The following APOB variants were observed in gnomAD, a reference collection of about 807,000 sequenced individuals.
APOB encodes the protein apolipoprotein B-100.
A neutral mutation model predicts 314.1 loss-of-function variants in APOB; 153 were observed. The observed-to-expected ratio is 0.49, with a 90% CI of 0.43 to 0.56. The LOEUF (loss-of-function observed/expected upper bound fraction) is 0.56. Ranked by LOEUF, APOB falls within the 20% of genes least tolerant of loss-of-function variation. The pLI is 0.00. For missense variants in APOB, 5,430 were observed against 5,350.7 expected (o/e 1.01, Z -0.46); for synonymous variants, 2,087 against 2,036.4 (o/e 1.02, Z -0.67).
chr2:21,001,963 T>C lies in APOB; in HGVS notation c.13459A>G (p.Ile4487Val). ...IKSQAIATKK[I>V]ISDYHQQFRY... ...AACTGCTGGTGGTAATCAGAAATTATTTTCTTCGTCGCAATGGCCTGGCTT... is the reference window on the plus strand; with the variant it reads ...AACTGCTGGTGGTAATCAGAAATTACTTTCTTCGTCGCAATGGCCTGGCTT... Residue 4487 changes from isoleucine (I) to valine (V), a missense_variant, in exon 29 of 29, where the codon ATA becomes GTA. Coordinates refer to ENST00000233242, the MANE Select transcript of APOB (RefSeq NM_000384.3). 1.2e-6 allele frequency: 2 copies of C among 1,614,090 alleles called. No homozygotes were observed. Among genetic ancestry groups the C allele is most frequent in the African/African-American group, 1.3e-5 (1 of 75,046 alleles).
rs1194652410 is a variant in APOB, at chr2:21,017,430, A to G, written c.3122-781T>C. On this transcript the variant is annotated intron_variant, in intron 20 of 28. Transcript: ENST00000233242. ...AAAGGGATAGAAGAAGTGTTATTTCATACTTGGTGGTCAGAGAAATTCTCT... is the reference window on the plus strand; with the variant it reads ...AAAGGGATAGAAGAAGTGTTATTTCGTACTTGGTGGTCAGAGAAATTCTCT... 2.0e-5 allele frequency among the ~76,000 whole-genome samples: 3 copies of G among 152,214 alleles called. No homozygotes were observed. The East Asian group carries it at 5.8e-4, about 29-fold the overall frequency.
chr2:21,025,016 C>A lies in APOB; in HGVS notation c.2353G>T (p.Gly785Cys). 6.2e-7 allele frequency: 1 copy of A among 1,614,246 alleles called. No homozygotes were observed. Among genetic ancestry groups the A allele is most frequent in the South Asian group, 1.1e-5 (1 of 91,084 alleles). Residue 785 changes from glycine to cysteine, a missense_variant, in exon 16 of 29, where the codon GGT (glycine) becomes TGT (cysteine). Physicochemically the swap from Gly to Cys is radical, Grantham distance 159. Transcript: ENST00000233242. ...AYLRILGEEL[G>C]FASLHDLQLL... ...TGGAGGTCATGGAGACTGGCAAAACCAAGCTCCTCTCCCAAGATGCGGAGG... is the reference window on the plus strand; with the variant it reads ...TGGAGGTCATGGAGACTGGCAAAACAAAGCTCCTCTCCCAAGATGCGGAGG...
At chr2:21,013,624 G>T in intron 24 of APOB, 91 bp from the exon 25 acceptor site, 2 of 1,568,606 alleles carry the variant, frequency 1.3e-6, no homozygotes, top group Non-Finnish European at 1.8e-6. Flanking sequence ...TATTGTACTT[G>T]CCCCATTCCC....
rs538925618 is a variant in APOB at position 21,029,842 on chromosome 2, G to T, written c.1470+56C>A. On this transcript the variant is annotated intron_variant, in intron 11 of 28. Coordinates refer to ENST00000233242, the MANE Select transcript of APOB (RefSeq NM_000384.3). ...AGGGTGCAGGAGAGGGAAGTAAAAG[G>T]TGTCCAGGAAAAGTGCTTCTGAAAT... The T allele has an allele frequency of 2.7e-5, 44 of 1,611,696 alleles. No individual in the cohort carries two copies. The South Asian group carries it at 4.1e-4, about 15-fold the overall frequency.
chr2:21,013,568 C>G (rs950121953), intron 24 of APOB, 35 bp from the exon 25 acceptor site: 6 of 1,613,162 alleles, frequency 3.7e-6, no homozygotes, highest in Non-Finnish European at 5.1e-6. Context: ...TCCCCACAGT[C>G]AGACATCAGT....
rs1216733455 is a variant in APOB at position 21,009,328 on chromosome 2, C to T, written c.7540G>A (p.Glu2514Lys). The T allele has an allele frequency of 6.2e-7, 1 of 1,614,068 alleles. No homozygotes were observed. Among genetic ancestry groups the T allele is most frequent in the Admixed American group, 1.7e-5 (1 of 60,010 alleles). ...SLAHMKAKFR[E>K]TLEDTRDRMY... is the part of the protein sequence containing the mutation. ...CGGTCTCGTGTATCTTCTAGGGTCT[C>T]TCGGAATTTGGCCTTCATGTGAGCC... is the stretch of plus-strand genomic sequence containing the variant. The change falls in exon 26 of 29, where the codon GAG (glutamate) becomes AAG (lysine). Residue 2514 changes from glutamate (E) to lysine (K), a missense_variant. By Grantham distance (56) the Glu-to-Lys change is moderately conservative (BLOSUM62 1). This residue lies in a region of APOB where 3,281 missense variants were observed against 3,171.0 expected (regional missense o/e 1.03). Transcript: ENST00000233242.
intron 21 of APOB, 143 bp from the exon 22 acceptor site, chr2:21,015,688 C>G: frequency 1.1e-6 from 1 of 886,624 alleles, no homozygotes; most frequent in Non-Finnish European, 1.8e-6. Context: ...AACTCATCAA[C>G]TTCTAAAGCC....
chr2:21,028,215 G>C, intron 13 of APOB, 112 bp downstream of exon 13: 1 of 1,165,630 alleles, frequency 8.6e-7, no homozygotes, highest in African/African-American at 1.5e-5. Flanking sequence ...CTACACATTT[G>C]CACAAGTGTT....
chr2:21,042,481 C>G lies in APOB; in HGVS notation c.122-5G>C. On this transcript the variant is annotated splice_region_variant and splice_polypyrimidine_tract_variant and intron_variant, in intron 2 of 28. Transcript: ENST00000233242. ...GCTTGAATCGGGTCGCATCTTCTAA[C>G]GTGGGGAGAAATACGTCAGCCACAT... 1 of 1,612,046 alleles carries G rather than the reference C, an allele frequency of 6.2e-7. No individual in the cohort carries two copies. The highest frequency in any genetic ancestry group is 8.5e-7 in the Non-Finnish European group (1 of 1,178,108).
In APOB at chr2:21,009,517, T is replaced by C; in HGVS notation, c.7351A>G (p.Asn2451Asp). 6.2e-7 allele frequency: 1 copy of C among 1,614,088 alleles called. No homozygotes were observed. Among genetic ancestry groups the C allele is most frequent in the Non-Finnish European group, 8.5e-7 (1 of 1,179,972 alleles). Residue 2451 changes from asparagine (N) to aspartate (D), a missense_variant, in exon 26 of 29, where the codon AAT (asparagine) becomes GAT (aspartate). This residue lies in a region of APOB where 3,281 missense variants were observed against 3,171.0 expected (regional missense o/e 1.03). Coordinates refer to ENST00000233242, the MANE Select transcript of APOB (RefSeq NM_000384.3). The part of the protein sequence containing the change: ...DKIREVTQRL[N>D]GEIQALELPQ... Reference sequence around the variant, plus strand: ...AGTTCCAGAGCCTGAATTTCACCATTGAGTCTCTGAGTCACCTCACGGATT... The same window carrying C: ...AGTTCCAGAGCCTGAATTTCACCATCGAGTCTCTGAGTCACCTCACGGATT...
intron 3 of APOB, 113 bp from the exon 4 acceptor site, chr2:21,041,196 C>T (rs905002487): frequency 2.7e-6 from 3 of 1,119,484 alleles, no homozygotes; most frequent in Non-Finnish European, 3.9e-6. Context: ...GTGCTGGGAA[C>T]ACCACTGCCT....
chr2:21,016,672 CAA>C, intron 20 of APOB, 23 bp from the exon 21 acceptor site: 7 of 1,481,638 alleles, frequency 4.7e-6, no homozygotes, highest in African/African-American at 1.4e-5. Flanking sequence ...ATAAGAGAAT[CAA>C]GAGATGTGTG....
chr2:21,031,137 A>G (rs1188594584), intron 10 of APOB, among the ~76,000 whole-genome samples: 1 of 152,254 alleles, frequency 6.6e-6, no homozygotes, highest in African/African-American at 2.4e-5. Context: ...ATTATATCCA[A>G]AGGAAACCTG....
chr2:21,013,464 G>A lies in APOB; in HGVS notation c.3912C>T (p.Gly1304=), dbSNP rs753552423. 1 of 1,614,078 alleles carries A rather than the reference G, an allele frequency of 6.2e-7. No individual in the cohort carries two copies. Among genetic ancestry groups the A allele is most frequent in the Non-Finnish European group, 8.5e-7 (1 of 1,180,004 alleles). ...ACATCTTTAGATCTCTGGAGGATTT[G>A]CCACCAAAAGGCAAAGGAATCTCAA... ...LKIEIPLPFG[G]KSSRDLKMLE... Residue 1304 remains glycine, a synonymous_variant, in exon 25 of 29, where the codon GGC becomes GGT. Coordinates refer to ENST00000233242, the MANE Select transcript of APOB (RefSeq NM_000384.3).
chr2:21,023,802 A>C, intron 16 of APOB, 110 bp from the exon 17 acceptor site: 2 of 911,064 alleles, frequency 2.2e-6, no homozygotes, highest in Non-Finnish European at 3.3e-6. Context: ...CTGGAAAGGA[A>C]GGACTAGCAT....
chr2:21,008,431 G>C lies in APOB; in HGVS notation c.8437C>G (p.Gln2813Glu), dbSNP rs1663210782. ...GGATTAATCTTAGGGTTTGAGAGTT[G>C]TGCATTTGCTTGAAAATCAAAATTG... is the stretch of plus-strand genomic sequence containing the variant. ...VLNFDFQANAQLSNPKINPLA... is the reference protein window; with the variant it reads ...VLNFDFQANAELSNPKINPLA... Residue 2813 changes from glutamine (Q) to glutamate (E), a missense_variant, in exon 26 of 29, where the codon CAA (glutamine) becomes GAA (glutamate). Physicochemically the swap from Gln to Glu is conservative, Grantham distance 29. This residue lies in a region of APOB where 3,281 missense variants were observed against 3,171.0 expected (regional missense o/e 1.03). Coordinates refer to ENST00000233242, the MANE Select transcript of APOB (RefSeq NM_000384.3). The C allele has an allele frequency of 1.2e-6, 2 of 1,613,946 alleles. No homozygotes were observed. Among genetic ancestry groups the C allele is most frequent in the African/African-American group, 2.7e-5 (2 of 74,896 alleles).
chr2:21,016,758 G>T, intron 20 of APOB, 109 bp from the exon 21 acceptor site: 2 of 749,044 alleles, frequency 2.7e-6, no homozygotes, highest in South Asian at 1.4e-5. Context: ...GCCAAGGCGG[G>T]CAGATCATGA....
Position 21,006,108 on chromosome 2 carries a change from G to T in APOB, c.10760C>A (p.Ala3587Asp), listed in dbSNP as rs1333583349. Reference sequence around the variant, plus strand: ...TTGCCATGGAGAGAGTTCCAGGGTGGCTTTGCTTGTATGTTCTCCGTTGGT... The same window carrying T: ...TTGCCATGGAGAGAGTTCCAGGGTGTCTTTGCTTGTATGTTCTCCGTTGGT... The part of the protein sequence containing the change: ...FFTNGEHTSK[A>D]TLELSPWQMS... Residue 3587 changes from alanine (A) to aspartate (D), a missense_variant, in exon 26 of 29, where the codon GCC becomes GAC. Physicochemically the swap from Ala to Asp is moderately radical, Grantham distance 126. Around this residue, in one of 3 missense-constraint regions of APOB, gnomAD observed 3,281 missense variants for 3,171.0 expected, o/e 1.03. Coordinates refer to ENST00000233242, the MANE Select transcript of APOB (RefSeq NM_000384.3). The T allele has an allele frequency of 6.2e-7, 1 of 1,613,988 alleles. No homozygotes were observed.
chr2:21,043,740 C>T, intron 1 of APOB, 124 bp downstream of exon 1: 2 of 1,510,276 alleles, frequency 1.3e-6, no homozygotes, highest in South Asian at 2.5e-5. Flanking sequence ...TGGTCCAATC[C>T]CCCCACTCGC....
Sources: gnomAD v4.1 joint callset for allele counts (sites outside exome capture counted in the v4.1 genomes callset) on GRCh38, gnomAD v4.1.1 for gene constraint, gnomAD v4.1.1 regional missense constraint, MANE v1.5 for transcripts, NCBI Gene and HGNC (gene_info 2026-07-23, HGNC 2026-07-21) for gene names.